Variants in SUGCT observed in about 807,000 individuals in gnomAD.
SUGCT encodes the protein succinyl-CoA:glutarate CoA-transferase.
SUGCT carries 41 observed loss-of-function variants against 55.0 expected under a neutral mutation model. That is an observed-to-expected ratio of 0.74 (90% CI 0.58 to 0.97). The LOEUF is 0.97. Ranked by LOEUF, SUGCT falls within the 50% of genes least tolerant of loss-of-function variation. SUGCT has a pLI of 0.00. For synonymous variants in SUGCT, 187 were observed against 200.4 expected, an observed-to-expected ratio of 0.93 and a Z score of 0.56; for missense variants, 568 against 547.8, an observed-to-expected ratio of 1.04 and a Z score of -0.37.
At chr7:40,734,159 A>G (rs773636592) in intron 12 of SUGCT, among the ~76,000 whole-genome samples, 3 of 152,232 alleles carry the variant, frequency 2.0e-5, no homozygotes, top group East Asian at 1.9e-4. Context: ...CTTGCATCTT[A>G]CTATACCTAA....
chr7:40,825,376 C>T (rs1365704810), intron 13 of SUGCT, among the ~76,000 whole-genome samples: 1 of 152,060 alleles, frequency 6.6e-6, no homozygotes, highest in African/African-American at 2.4e-5. Context: ...TGTTGGAACA[C>T]TAGCTGCCTT....
At position 40,336,400 on chromosome 7, in the gene SUGCT, C is replaced by A. The variant is rs545091125; in HGVS notation, c.816+19545C>A. 4.6e-5 allele frequency among the ~76,000 whole-genome samples: 7 copies of A among 152,244 alleles called. No individual in the cohort carries two copies. In the East Asian group the frequency reaches 1.4e-3, roughly 29 times the overall value. ...TCCTGGACATTTTTTGGTTGATAGG[C>A]TATTAATTATTGCCTCAATTTCAGA... On this transcript the variant is annotated intron_variant, in intron 9 of 13. Transcript: ENST00000335693.
chr7:40,817,165 C>G (rs1248403346), intron 13 of SUGCT, among the ~76,000 whole-genome samples: 1 of 152,034 alleles, frequency 6.6e-6, no homozygotes, highest in African/African-American at 2.4e-5. Context: ...CTTATTTATC[C>G]ACTCAAAAAA....
intron 12 of SUGCT, among the ~76,000 whole-genome samples, chr7:40,614,778 A>T (rs1414177836): frequency 1.3e-5 from 2 of 152,122 alleles, no homozygotes; most frequent in African/African-American, 4.8e-5. Flanking sequence ...TACTTATAAA[A>T]TAGGGATAAT....
At chr7:40,494,056 A>G (rs1308061502) in intron 11 of SUGCT, among the ~76,000 whole-genome samples, 7 of 152,158 alleles carry the variant, frequency 4.6e-5, no homozygotes, top group Admixed American at 4.6e-4. Context: ...CATGAAATAA[A>G]TCCCTCTCTT....
chr7:40,277,683 A>ATTATTG (rs1178289853), intron 8 of SUGCT, among the ~76,000 whole-genome samples: 1 of 148,188 alleles, frequency 6.7e-6, no homozygotes, highest in East Asian at 2.0e-4. Flanking sequence ...TTTTGTTATT[A>ATTATTG]TTATTATTAT....
At chr7:40,396,785 T>C (rs963746304) in intron 9 of SUGCT, among the ~76,000 whole-genome samples, 1 of 152,200 alleles carries the variant, frequency 6.6e-6, no homozygotes, top group African/African-American at 2.4e-5. Flanking sequence ...TGTTTATTCA[T>C]CTTTTTTTAT....
rs562763679 is a variant in SUGCT, at chr7:40,736,731, A to G, written c.1090-12703A>G. ...TTAACTGTCAGCTTAGAAATGTACA[A>G]CCAATACAAATCTTTTAGAAGAAAG... On this transcript the variant is annotated intron_variant, in intron 12 of 13. Coordinates refer to ENST00000335693, the MANE Select transcript of SUGCT (RefSeq NM_001193313.2). Among the ~76,000 whole-genome samples, 20 of 152,216 alleles carry G rather than the reference A, an allele frequency of 1.3e-4. No homozygotes were observed. In the South Asian group the frequency reaches 3.9e-3, roughly 30 times the overall value.
intron 9 of SUGCT, among the ~76,000 whole-genome samples, chr7:40,424,213 C>G (rs1483112540): frequency 6.6e-6 from 1 of 152,042 alleles, no homozygotes; most frequent in Non-Finnish European, 1.5e-5. Flanking sequence ...GTTTTCAGCA[C>G]AGGGGCTTAT....
intron 12 of SUGCT, among the ~76,000 whole-genome samples, chr7:40,569,182 T>C (rs1464674827): frequency 2.0e-5 from 3 of 152,088 alleles, no homozygotes; most frequent in Admixed American, 6.5e-5. Flanking sequence ...GGATGAGATA[T>C]AGGGGTCAGG....
the SUGCT span, among the ~76,000 whole-genome samples, chr7:40,987,683 A>C: frequency 6.6e-6 from 1 of 152,218 alleles, no homozygotes; most frequent in Non-Finnish European, 1.5e-5. Flanking sequence ...GAAACCATCC[A>C]ACCATGAGCC....
At chr7:40,245,423 A>ATATATTTTTTTTTT (rs1344678220) in intron 7 of SUGCT, among the ~76,000 whole-genome samples, 1 of 54,596 alleles carries the variant, frequency 1.8e-5, no homozygotes, top group Non-Finnish European at 3.3e-5. Context: ...ATATATATAT[A>ATATATTTTTTTTTT]TTTTTTTTTT....
chr7:40,588,148 C>T (rs369138010), intron 12 of SUGCT, among the ~76,000 whole-genome samples: 3 of 151,936 alleles, frequency 2.0e-5, no homozygotes, highest in African/African-American at 4.8e-5. Flanking sequence ...GTGATCTGCC[C>T]GCCTCGGCCT....
chr7:40,860,232 T>C (rs1794425345), intron 13 of SUGCT, 84 bp from the exon 14 acceptor site: 4 of 1,554,054 alleles, frequency 2.6e-6, no homozygotes, highest in Admixed American at 1.7e-5. Flanking sequence ...TTGGCATTCA[T>C]GGAAAACACC....
intron 9 of SUGCT, among the ~76,000 whole-genome samples, chr7:40,440,989 ACTTTT>A (rs751383342): frequency 7.9e-5 from 12 of 151,648 alleles, no homozygotes; most frequent in Non-Finnish European, 1.0e-4. Context: ...TGGGTTTTGT[ACTTTT>A]CTTTTCCAGT....
Position 40,155,368 on chromosome 7 carries a change from A to G in SUGCT, c.100+20248A>G, listed in dbSNP as rs866588260. Among the ~76,000 whole-genome samples the G allele has an allele frequency of 1.6e-3, 227 of 139,102 alleles. 3 individuals carry two copies. The highest frequency in any genetic ancestry group is 5.2e-3 in the African/African-American group (183 of 35,146). 91.3% of individuals were successfully genotyped at this position (139,102 alleles called of 152,430 possible). On this transcript the variant is annotated intron_variant, in intron 1 of 13. Transcript: ENST00000335693. The stretch of plus-strand genomic sequence containing the variant: ...TTAAAAGAAATGTTTTCTTCCAGTG[A>G]AAAAAAAAAAAAGGACAAATGAAGA...
chr7:40,156,641 G>A (rs1783911424), intron 1 of SUGCT, among the ~76,000 whole-genome samples: 1 of 152,110 alleles, frequency 6.6e-6, no homozygotes, highest in South Asian at 2.1e-4. Flanking sequence ...GCTCCTGGTG[G>A]CACCTCTGAG....
At chr7:40,854,015 G>A (rs532393892) in intron 13 of SUGCT, among the ~76,000 whole-genome samples, 1 of 152,274 alleles carries the variant, frequency 6.6e-6, no homozygotes, top group Non-Finnish European at 1.5e-5. Flanking sequence ...AATGCACAAG[G>A]TTATATGTGC....
chr7:40,983,125 G>C, the SUGCT span, among the ~76,000 whole-genome samples: 27 of 152,268 alleles, frequency 1.8e-4, no homozygotes, highest in East Asian at 5.2e-3. Context: ...GTGTTTTAAC[G>C]TTATTGCCCC....
Sources: gnomAD v4.1 joint callset for allele counts (sites outside exome capture counted in the v4.1 genomes callset) on GRCh38, gnomAD v4.1.1 for gene constraint, MANE v1.5 for transcripts, NCBI Gene and HGNC (gene_info 2026-07-23, HGNC 2026-07-21) for gene names.